Variants in PTPRD observed in about 807,000 individuals in gnomAD.
PTPRD encodes the protein receptor-type tyrosine-protein phosphatase delta.
In PTPRD, 34 loss-of-function variants were observed where a neutral mutation model predicts 214.5. That is an observed-to-expected ratio of 0.16 (90% CI 0.12 to 0.21). The LOEUF is 0.21. Ranked by LOEUF, PTPRD falls within the 10% of genes least tolerant of loss-of-function variation. The probability of loss-of-function intolerance (pLI) is 1.00; values close to 1 mark genes in which losing one functional copy is unlikely to be tolerated. For missense variants in PTPRD, 2,545 were observed against 2,398.7 expected (o/e 1.06, Z -1.27); for synonymous variants, 1,128 against 845.7 (o/e 1.33, Z -5.79).
chr9:9,343,823 G>T (rs1002894040), intron 9 of PTPRD, among the ~76,000 whole-genome samples: 2 of 151,898 alleles, frequency 1.3e-5, no homozygotes, highest in South Asian at 2.1e-4. Context: ...TGGGGAGGAT[G>T]TTTCTCTTTT....
intron 9 of PTPRD, among the ~76,000 whole-genome samples, chr9:9,243,972 C>A (rs1363920909): frequency 2.0e-5 from 3 of 152,160 alleles, no homozygotes; most frequent in Non-Finnish European, 4.4e-5. Flanking sequence ...GTGCAAAAAT[C>A]ACAAGCATTC....
chr9:9,578,557 A>T (rs1018626337), intron 7 of PTPRD, among the ~76,000 whole-genome samples: 9 of 152,242 alleles, frequency 5.9e-5, no homozygotes, highest in African/African-American at 2.2e-4. Flanking sequence ...TAATAATTTT[A>T]AATAATTATA....
At chr9:10,082,250 A>G (rs532961618) in intron 3 of PTPRD, among the ~76,000 whole-genome samples, 22 of 152,258 alleles carry the variant, frequency 1.4e-4, no homozygotes, top group African/African-American at 2.4e-5. Context: ...TTGATTGATT[A>G]GTTGGTACAG....
intron 7 of PTPRD, among the ~76,000 whole-genome samples, chr9:9,671,786 C>G (rs1053559986): frequency 6.6e-6 from 1 of 152,170 alleles, no homozygotes; most frequent in African/African-American, 2.4e-5. Context: ...ATTCTAAGGC[C>G]TCCCAGCCAT....
intron 10 of PTPRD, among the ~76,000 whole-genome samples, chr9:9,130,961 A>G (rs1326356156): frequency 1.3e-5 from 2 of 152,236 alleles, no homozygotes; most frequent in East Asian, 3.9e-4. Flanking sequence ...TTCTATCTTC[A>G]TTTCCTGGTA....
intron 2 of PTPRD, among the ~76,000 whole-genome samples, chr9:10,564,171 C>CTTTTTTTTTTTTTT (rs71332760): frequency 0.011 from 321 of 29,400 alleles, 91 homozygotes; most frequent in East Asian, 0.045. Flanking sequence ...CTAGGCTATT[C>CTTTTTTTTTTTTTT]TTTTTTTTTT....
intron 8 of PTPRD, among the ~76,000 whole-genome samples, chr9:9,485,363 T>C (rs2095584013): frequency 6.6e-6 from 1 of 152,144 alleles, no homozygotes; most frequent in South Asian, 2.1e-4. Context: ...CGTTTTGGAA[T>C]AAAAAATAAT....
At chr9:8,957,409 T>C (rs1487677390) in intron 11 of PTPRD, among the ~76,000 whole-genome samples, 1 of 151,766 alleles carries the variant, frequency 6.6e-6, no homozygotes, top group East Asian at 1.9e-4. Flanking sequence ...AGTATTTCCT[T>C]ACTGAACGCC....
At chr9:9,517,354 A>ATTT (rs2096863402) in intron 8 of PTPRD, among the ~76,000 whole-genome samples, 1 of 152,074 alleles carries the variant, frequency 6.6e-6, no homozygotes, top group Non-Finnish European at 1.5e-5. Flanking sequence ...TAGTAAGGGG[A>ATTT]TAGACTTTGT....
intron 9 of PTPRD, among the ~76,000 whole-genome samples, chr9:9,275,827 G>C (rs568708518): frequency 2.0e-5 from 3 of 146,354 alleles, no homozygotes; most frequent in African/African-American, 7.4e-5. Flanking sequence ...AGCTGTGTGT[G>C]TGTGTATGTG....
chr9:10,444,931 C>T (rs1198884987), intron 2 of PTPRD, among the ~76,000 whole-genome samples: 1 of 151,746 alleles, frequency 6.6e-6, no homozygotes, highest in Non-Finnish European at 1.5e-5. Flanking sequence ...AAAAATTGTA[C>T]ATGTATACAG....
chr9:9,290,925 T>G (rs1251738653), intron 9 of PTPRD, among the ~76,000 whole-genome samples: 1 of 151,442 alleles, frequency 6.6e-6, no homozygotes, highest in Non-Finnish European at 1.5e-5. Context: ...CATTAAATTT[T>G]AAAATATGAA....
chr9:8,462,704 T>C (rs977224214), intron 32 of PTPRD, among the ~76,000 whole-genome samples: 16 of 151,868 alleles, frequency 1.1e-4, no homozygotes, highest in Admixed American at 2.0e-4. Context: ...TGAAACCACC[T>C]CTTTTTAATT....
chr9:9,381,936 T>C (rs894265912), intron 9 of PTPRD, among the ~76,000 whole-genome samples: 1 of 151,900 alleles, frequency 6.6e-6, no homozygotes, highest in Non-Finnish European at 1.5e-5. Context: ...GGTTTTAATG[T>C]GGATAACATT....
chr9:10,013,792 T>C (rs10958816), intron 4 of PTPRD, among the ~76,000 whole-genome samples: 19,000 of 151,960 alleles, frequency 0.13, 1,594 homozygotes, highest in African/African-American at 0.23. Flanking sequence ...AAATTTCTGC[T>C]AGCTATTTTA....
intron 14 of PTPRD, among the ~76,000 whole-genome samples, chr9:8,596,801 A>G (rs2094500647): frequency 6.6e-6 from 1 of 152,154 alleles, no homozygotes; most frequent in South Asian, 2.1e-4. Flanking sequence ...TATTGTTGAT[A>G]AACAGCTTTG....
chr9:8,979,444 G>A (rs12553733), intron 11 of PTPRD, among the ~76,000 whole-genome samples: 44,233 of 151,940 alleles, frequency 0.29, 7,352 homozygotes, highest in East Asian at 0.63. Flanking sequence ...ACCAAATGAA[G>A]TGGTAACCTA....
At chr9:10,313,272 T>A (rs1262610683) in intron 3 of PTPRD, among the ~76,000 whole-genome samples, 3 of 151,818 alleles carry the variant, frequency 2.0e-5, no homozygotes, top group Non-Finnish European at 4.4e-5. Flanking sequence ...CTCTTTCTCT[T>A]ATGCACTATT....
intron 8 of PTPRD, among the ~76,000 whole-genome samples, chr9:9,433,115 A>C (rs565070583): frequency 6.6e-6 from 1 of 152,172 alleles, no homozygotes; most frequent in South Asian, 2.1e-4. Flanking sequence ...GAAGAAGAAA[A>C]AGTAAAGAAA....
Sources: gnomAD v4.1 joint callset for allele counts (sites outside exome capture counted in the v4.1 genomes callset) on GRCh38, gnomAD v4.1.1 for gene constraint, MANE v1.5 for transcripts, NCBI Gene and HGNC (gene_info 2026-07-23, HGNC 2026-07-21) for gene names.